Variants in MN1 observed in about 807,000 individuals in gnomAD.
MN1 encodes the protein transcriptional activator MN1.
Under a neutral mutation model 86.9 loss-of-function variants are expected in MN1, and 19 were observed. The observed-to-expected ratio is 0.22, with a 90% CI of 0.15 to 0.32. The LOEUF (loss-of-function observed/expected upper bound fraction) is 0.32. Ranked by LOEUF, MN1 falls within the 10% of genes least tolerant of loss-of-function variation. The pLI is 1.00. For missense variants in MN1, 1,841 were observed against 1,862.0 expected (o/e 0.99, Z 0.21); for synonymous variants, 928 against 849.6 (o/e 1.09, Z -1.60).
At chr22:27,774,686 C>T (rs45587835) in intron 1 of MN1, among the ~76,000 whole-genome samples, 1 of 152,210 alleles carries the variant, frequency 6.6e-6, no homozygotes, top group Non-Finnish European at 1.5e-5. Flanking sequence ...AGTCTTTCTG[C>T]GCATGAACGG....
chr22:27,758,629 T>C (rs930833922), intron 1 of MN1, among the ~76,000 whole-genome samples: 20 of 152,124 alleles, frequency 1.3e-4, no homozygotes, highest in Non-Finnish European at 2.8e-4. Context: ...TCCCTGGCAT[T>C]GTTCCCAGCA....
chr22:27,752,706 G>A (rs1259706636), intron 1 of MN1, among the ~76,000 whole-genome samples: 8 of 152,170 alleles, frequency 5.3e-5, no homozygotes, highest in Admixed American at 3.3e-4. Flanking sequence ...TCTGACTTTA[G>A]AGTATGTCCA....
At chr22:27,792,540 A>C (rs1933227785) in intron 1 of MN1, among the ~76,000 whole-genome samples, 1 of 151,958 alleles carries the variant, frequency 6.6e-6, no homozygotes, top group Non-Finnish European at 1.5e-5. Flanking sequence ...TTGGGGTTTT[A>C]TGTCAGGAGG....
intron 1 of MN1, among the ~76,000 whole-genome samples, chr22:27,755,697 C>T (rs1013888702): frequency 1.3e-5 from 2 of 152,308 alleles, no homozygotes; most frequent in South Asian, 4.1e-4. Flanking sequence ...TGCAGAGGTT[C>T]AGTCTGCCCC....
At chr22:27,759,688 G>GGGAGTTCTGTGGCT (rs1399384152) in intron 1 of MN1, among the ~76,000 whole-genome samples, 2 of 152,190 alleles carry the variant, frequency 1.3e-5, no homozygotes. Context: ...GGGCAGACAT[G>GGGAGTTCTGTGGCT]CCCATGTGGC....
chr22:27,749,664 A>T lies in MN1; in HGVS notation c.*1251T>A. 2 of 231,770 alleles carry T rather than the reference A, an allele frequency of 8.6e-6. No individual in the cohort carries two copies. The highest frequency in any genetic ancestry group is 1.2e-4 in the East Asian group (2 of 16,396). 14.4% of individuals were successfully genotyped at this position (231,770 alleles called of 1,614,324 possible). ...GTTGGGGAGGGGGCAGAGGAATTCC[A>T]GAGTTCAAAACTAAAAGGCGCAGGA... On this transcript the variant is annotated 3_prime_UTR_variant, in exon 2 of 2. Coordinates refer to ENST00000302326, the MANE Select transcript of MN1 (RefSeq NM_002430.3).
chr22:27,799,624 TGCTGCTGCTGGG>T lies in MN1; in HGVS notation c.908_919del (p.Pro303_Gln306del), dbSNP rs1464438815. On this transcript the variant is annotated inframe_deletion, in exon 1 of 2. Coordinates refer to ENST00000302326, the MANE Select transcript of MN1 (RefSeq NM_002430.3). ...CTCAAAGAACACACCATGCTGCTGCTGCTGCTGCTGGGGCTGCTGCTGCTGCTGGGGCTGCTG... is the reference window on the plus strand; with the variant it reads ...CTCAAAGAACACACCATGCTGCTGCTGCTGCTGCTGCTGCTGGGGCTGCTG... The T allele has an allele frequency of 1.3e-6, 2 of 1,546,060 alleles. No homozygotes were observed. The highest frequency in any genetic ancestry group is 4.0e-5 in the Admixed American group (2 of 50,618).
Position 27,793,988 on chromosome 22 carries a change from G to A in MN1, c.3781+2775C>T, listed in dbSNP as rs45452095. On this transcript the variant is annotated intron_variant, in intron 1 of 1. Coordinates refer to ENST00000302326, the MANE Select transcript of MN1 (RefSeq NM_002430.3). Reference sequence around the variant, plus strand: ...ACAAAAATGGGCTTTGCCTGCAAGGGGAGTAGAAAAAAAAATGCTGGGGCT... The same window carrying A: ...ACAAAAATGGGCTTTGCCTGCAAGGAGAGTAGAAAAAAAAATGCTGGGGCT... Among the ~76,000 whole-genome samples the A allele has an allele frequency of 7.2e-3, 1,101 of 152,154 alleles. 20 individuals carry two copies. The highest frequency in any genetic ancestry group is 0.024 in the African/African-American group (1,008 of 41,510).
chr22:27,797,367 C>T lies in MN1; in HGVS notation c.3177G>A (p.Val1059=), dbSNP rs1933318288. The T allele has an allele frequency of 6.2e-7, 1 of 1,610,306 alleles. No homozygotes were observed. The highest frequency in any genetic ancestry group is 8.5e-7 in the Non-Finnish European group (1 of 1,179,924). The change falls in exon 1 of 2, where the codon GTG becomes GTA. Residue 1059 remains valine, a synonymous_variant. Coordinates refer to ENST00000302326, the MANE Select transcript of MN1 (RefSeq NM_002430.3). ...VSTSYANEDE[V]SSSSDNPQAL... Reference sequence around the variant, plus strand: ...CCTGGGGGTTGTCAGAGCTGGACGACACCTCGTCCTCATTGGCGTAGCTCG... The same window carrying T: ...CCTGGGGGTTGTCAGAGCTGGACGATACCTCGTCCTCATTGGCGTAGCTCG...
At position 27,798,782 on chromosome 22, in the gene MN1, C is replaced by T. The variant is rs1344335091; in HGVS notation, c.1762G>A (p.Gly588Ser). 1 of 1,534,960 alleles carries T rather than the reference C, an allele frequency of 6.5e-7. No homozygotes were observed. Among genetic ancestry groups the T allele is most frequent in the East Asian group, 2.4e-5 (1 of 40,852 alleles). ...CCCACCGGGCCGCCATGCACCAGGC[C>T]GCCCTGGCCCACGTCCCCGGGGTGG... Reference protein sequence around the residue: ...LGHPGDVGQGGLVHGGPVGGL... With the variant: ...LGHPGDVGQGSLVHGGPVGGL... The change falls in exon 1 of 2, where the codon GGC (glycine) becomes AGC (serine). Residue 588 changes from glycine (G) to serine (S), a missense_variant. Coordinates refer to ENST00000302326, the MANE Select transcript of MN1 (RefSeq NM_002430.3).
chr22:27,754,297 A>C (rs1428862404), intron 1 of MN1, among the ~76,000 whole-genome samples: 1 of 152,170 alleles, frequency 6.6e-6, no homozygotes, highest in Non-Finnish European at 1.5e-5. Context: ...TGTTCTTATT[A>C]GGGGTGGATT....
rs745398066 is a variant in MN1, at chr22:27,798,162, G to A, written c.2382C>T (p.Ser794=). 6.3e-7 allele frequency: 1 copy of A among 1,584,878 alleles called. No homozygotes were observed. Among genetic ancestry groups the A allele is most frequent in the Non-Finnish European group, 8.5e-7 (1 of 1,171,044 alleles). Residue 794 remains serine (S), a synonymous_variant, in exon 1 of 2, where the codon AGC becomes AGT. Coordinates refer to ENST00000302326, the MANE Select transcript of MN1 (RefSeq NM_002430.3). ...CCAATTTACTGGCCGAGGTGCGCTG[G>A]CTGGGCTGGAAATCAGGCTGCGGCG... ...AYPPQPDFQP[S]QRTSASKLGA...
intron 1 of MN1, among the ~76,000 whole-genome samples, chr22:27,796,094 G>A (rs939780549): frequency 4.0e-5 from 6 of 151,294 alleles, no homozygotes; most frequent in East Asian, 1.9e-4. Context: ...AAGGGGATGC[G>A]CCCTGAAAAG....
chr22:27,793,224 AG>A (rs1933239197), intron 1 of MN1, among the ~76,000 whole-genome samples: 1 of 152,206 alleles, frequency 6.6e-6, no homozygotes, highest in Non-Finnish European at 1.5e-5. Flanking sequence ...GAAAATTGTA[AG>A]GGGCAGGAGG....
intron 1 of MN1, among the ~76,000 whole-genome samples, chr22:27,763,985 G>A (rs1932852124): frequency 1.3e-5 from 2 of 152,160 alleles, no homozygotes; most frequent in South Asian, 2.1e-4. Context: ...AAACCCAGGC[G>A]TGACTCCTTC....
chr22:27,795,161 G>A (rs1470550784), intron 1 of MN1, among the ~76,000 whole-genome samples: 7 of 152,298 alleles, frequency 4.6e-5, no homozygotes, highest in South Asian at 2.1e-4. Context: ...TGGCCGCAGC[G>A]TCTGCTGTGC....
intron 1 of MN1, among the ~76,000 whole-genome samples, chr22:27,790,980 T>C (rs1239979832): frequency 6.6e-6 from 1 of 152,110 alleles, no homozygotes; most frequent in East Asian, 1.9e-4. Context: ...GCTAAGGCCA[T>C]TGAGACTGAA....
intron 1 of MN1, among the ~76,000 whole-genome samples, chr22:27,795,697 A>T (rs1933282088): frequency 1.3e-5 from 2 of 149,310 alleles, no homozygotes. Flanking sequence ...ATAGACACAC[A>T]TACCTATATA....
At chr22:27,792,501 G>C (rs901397945) in intron 1 of MN1, among the ~76,000 whole-genome samples, 1 of 151,940 alleles carries the variant, frequency 6.6e-6, no homozygotes, top group Non-Finnish European at 1.5e-5. Context: ...ATATTTAGTA[G>C]AAATGTATGA....
Sources: allele counts gnomAD v4.1 joint callset (sites outside exome capture counted in the v4.1 genomes callset), GRCh38; gene constraint gnomAD v4.1.1; transcripts MANE v1.5; gene names NCBI Gene and HGNC (gene_info 2026-07-23, HGNC 2026-07-21).